Variants in NTN5 observed in about 807,000 individuals in gnomAD.
NTN5 encodes netrin-5.
NTN5 carries 42 observed loss-of-function variants against 38.7 expected under a neutral mutation model. That is an observed-to-expected ratio of 1.08 (90% CI 0.85 to 1.40). NTN5 has a LOEUF of 1.40. NTN5 is among the 40% of genes most tolerant of loss of function. The pLI, the probability that NTN5 is intolerant of heterozygous loss-of-function variation, is 0.00. For missense variants in NTN5, 658 were observed against 716.5 expected (o/e 0.92, Z 0.93); for synonymous variants, 329 against 303.9 (o/e 1.08, Z -0.86).
intron 2 of NTN5, among the ~76,000 whole-genome samples, chr19:48,668,925 T>C (rs539446399): frequency 6.7e-6 from 1 of 150,080 alleles, no homozygotes; most frequent in East Asian, 1.9e-4. Flanking sequence ...CGGAAACTGT[T>C]ATTACATCAT....
chr19:48,663,617 C>T (rs1350188121), intron 5 of NTN5, 74 bp from the exon 6 acceptor site: 19 of 1,551,768 alleles, frequency 1.2e-5, no homozygotes, highest in African/African-American at 5.4e-5. Flanking sequence ...CCCATCCCTC[C>T]GTTCCATCTT....
intron 4 of NTN5, 117 bp from the exon 5 acceptor site, chr19:48,663,931 G>A (rs1025236407): frequency 3.4e-6 from 4 of 1,187,958 alleles, no homozygotes; most frequent in Non-Finnish European, 4.9e-6. Flanking sequence ...GGACTCAAGA[G>A]TGCAAGCATC....
intron 2 of NTN5, among the ~76,000 whole-genome samples, chr19:48,669,136 T>C (rs1601210620): frequency 9.0e-5 from 4 of 44,348 alleles, no homozygotes; most frequent in African/African-American, 1.8e-4. Context: ...ACCATCATCA[T>C]ATCACCATCA....
Position 48,661,980 on chromosome 19 carries a change from C to G in NTN5, c.1167G>C (p.Val389=), listed in dbSNP as rs918712572. 2 of 1,481,304 alleles carry G rather than the reference C, an allele frequency of 1.4e-6. No individual in the cohort carries two copies. The highest frequency in any genetic ancestry group is 3.0e-5 in the African/African-American group (2 of 67,758). 91.8% of individuals were successfully genotyped at this position (1,481,304 alleles called of 1,614,324 possible). A position where few individuals can be genotyped will look rare whatever the true frequency, so the allele number is the denominator to read the frequency against. Residue 389 remains valine (V), a synonymous_variant, in exon 7 of 7, where the codon GTG becomes GTC. Coordinates refer to ENST00000270235, the MANE Select transcript of NTN5 (RefSeq NM_145807.4). ...AAGPAWQRLA[V]RVLAVYKQRA... is the part of the protein sequence containing the mutation. ...GCTGCTTGTAAACGGCCAGCACGCG[C>G]ACGGCCAGCCGCTGCCATGCCGGGC...
chr19:48,666,264 G>A (rs1190613398), intron 2 of NTN5, among the ~76,000 whole-genome samples: 1 of 152,202 alleles, frequency 6.6e-6, no homozygotes, highest in African/African-American at 2.4e-5. Context: ...CTCCCGTGAG[G>A]ATTATTTAGC....
chr19:48,661,666 C>G lies in NTN5; in HGVS notation c.*11G>C. The G allele has an allele frequency of 6.5e-7, 1 of 1,531,464 alleles. No homozygotes were observed. Among genetic ancestry groups the G allele is most frequent in the African/African-American group, 1.4e-5 (1 of 70,148 alleles). 94.9% of individuals were successfully genotyped at this position (1,531,464 alleles called of 1,614,324 possible). ...TACTTTGTTGGTGCTCGAGGCAGCC[C>G]CATCTCACGTCTAGTGCTCCGGCCT... On this transcript the variant is annotated 3_prime_UTR_variant, in exon 7 of 7. Transcript: ENST00000270235.
At chr19:48,663,427 G>C in intron 6 of NTN5, 36 bp downstream of exon 6, 2 of 1,582,026 alleles carry the variant, frequency 1.3e-6, no homozygotes, top group Admixed American at 1.7e-5. Context: ...AGAACCAGCT[G>C]TGTAGCCTTC....
chr19:48,669,630 C>A (rs1433330830), intron 2 of NTN5, among the ~76,000 whole-genome samples: 2 of 896 alleles, frequency 2.2e-3, no homozygotes, highest in Admixed American at 0.027. Flanking sequence ...ATCACCACCA[C>A]CAGTCATCAC....
At chr19:48,664,068 C>G in intron 4 of NTN5, 75 bp downstream of exon 4, 1 of 1,492,328 alleles carries the variant, frequency 6.7e-7, no homozygotes, top group Non-Finnish European at 9.0e-7. Context: ...GCCCTCACTG[C>G]AGCTGTGCAC....
chr19:48,668,357 T>C (rs950563991), intron 2 of NTN5, among the ~76,000 whole-genome samples: 9 of 152,176 alleles, frequency 5.9e-5, no homozygotes, highest in African/African-American at 2.2e-4. Context: ...TTAAAGGCTT[T>C]ATGTGTATTA....
intron 2 of NTN5, among the ~76,000 whole-genome samples, chr19:48,669,083 C>G (rs2031787610): frequency 2.2e-5 from 3 of 138,772 alleles, no homozygotes; most frequent in South Asian, 4.7e-4. Context: ...CTATCACCAT[C>G]ATCACCACCA....
Position 48,663,453 on chromosome 19 carries a change from C to T in NTN5, c.1105+10G>A. 6.2e-7 allele frequency: 1 copy of T among 1,612,872 alleles called. No homozygotes were observed. Among genetic ancestry groups the T allele is most frequent in the Non-Finnish European group, 8.5e-7 (1 of 1,178,852 alleles). On this transcript the variant is annotated intron_variant, in intron 6 of 6. Transcript: ENST00000270235. ...TGTAGCCTTCAGCTGTCTGTCTCCC[C>T]AGCACTCACCATGGTCCTGCTGGCA...
At chr19:48,663,439 G>C (rs2031601890) in intron 6 of NTN5, 24 bp downstream of exon 6, 1 of 1,602,528 alleles carries the variant, frequency 6.2e-7, no homozygotes, top group Non-Finnish European at 8.5e-7. Context: ...GTAGCCTTCA[G>C]CTGTCTGTCT....
In NTN5 at chr19:48,670,837, G is replaced by C. The variant is rs760093935; in HGVS notation, c.150C>G (p.Ser50=). ...CCCTGGCGCCAAGGTGGTTTCCTGG[G>C]GACAGGGCACAGGCCTGAGGGCAGG... The part of the protein sequence containing the change: ...AASCPQACAL[S]PGNHLGARET... The change falls in exon 2 of 7, where the codon TCC becomes TCG. Residue 50 remains serine (S), a synonymous_variant. Transcript: ENST00000270235. 6.2e-7 allele frequency: 1 copy of C among 1,613,026 alleles called. No individual in the cohort carries two copies. The highest frequency in any genetic ancestry group is 8.5e-7 in the Non-Finnish European group (1 of 1,179,958).
intron 5 of NTN5, 62 bp from the exon 6 acceptor site, chr19:48,663,605 TG>T: frequency 1.3e-6 from 2 of 1,563,668 alleles, no homozygotes; most frequent in Non-Finnish European, 1.8e-6. Context: ...CTTCTGCCCC[TG>T]CCCATCCCTC....
Position 48,663,792 on chromosome 19 carries a change from G to A in NTN5, c.993C>T (p.Thr331=), listed in dbSNP as rs747496005. 1.9e-6 allele frequency: 3 copies of A among 1,613,932 alleles called. No homozygotes were observed. Among genetic ancestry groups the A allele is most frequent in the African/African-American group, 2.7e-5 (2 of 74,892 alleles). The change falls in exon 5 of 7, where the codon ACC becomes ACT. Residue 331 remains threonine (T), a synonymous_variant. Coordinates refer to ENST00000270235, the MANE Select transcript of NTN5 (RefSeq NM_145807.4). ...TATAAGCACCAGGAGTAGTGGCAAG[G>A]GTGGTTGTTGCCTCTGGAATTCCTG... ...PCQRIPEATT[T]LATTPGAYSS...
At chr19:48,665,257 G>A (rs1439117163) in intron 2 of NTN5, among the ~76,000 whole-genome samples, 1 of 151,622 alleles carries the variant, frequency 6.6e-6, no homozygotes, top group South Asian at 2.1e-4. Flanking sequence ...CCAACATGGC[G>A]AAAACCCATC....
At chr19:48,672,463 C>G (rs1490587515) in intron 1 of NTN5, among the ~76,000 whole-genome samples, 2 of 152,176 alleles carry the variant, frequency 1.3e-5, no homozygotes, top group Non-Finnish European at 2.9e-5. Flanking sequence ...CCAGCCTGGC[C>G]TCACTGCCCA....
chr19:48,672,735 C>T (rs1181655417), intron 1 of NTN5, among the ~76,000 whole-genome samples, 197 bp downstream of exon 1: 1 of 152,120 alleles, frequency 6.6e-6, no homozygotes, highest in East Asian at 1.9e-4. Context: ...CCTAGTGTTC[C>T]TGGGGGATCC....
Sources: gnomAD v4.1 joint callset for allele counts (sites outside exome capture counted in the v4.1 genomes callset) on GRCh38, gnomAD v4.1.1 for gene constraint, MANE v1.5 for transcripts, NCBI Gene and HGNC (gene_info 2026-07-23, HGNC 2026-07-21) for gene names.